MTUS1: variants seen among roughly 807,000 people sequenced by gnomAD.
The protein encoded by MTUS1 is microtubule-associated tumor suppressor 1.
MTUS1 carries 109 observed loss-of-function variants against 120.8 expected under a neutral mutation model. That is an observed-to-expected ratio of 0.90 (90% CI 0.77 to 1.06). The LOEUF (loss-of-function observed/expected upper bound fraction) is 1.06, where lower values mean the gene tolerates loss of function less well. Among genes scored for constraint, MTUS1 ranks in the 50% least tolerant of loss-of-function variants. The probability of loss-of-function intolerance (pLI) is 0.00; values close to 1 mark genes in which losing one functional copy is unlikely to be tolerated. For missense variants in MTUS1, 2,210 were observed against 1,486.3 expected (o/e 1.49, Z -8.01); for synonymous variants, 737 against 550.5 (o/e 1.34, Z -4.74).
Position 17,674,908 on chromosome 8 carries a change from C to T in MTUS1, c.2905+278G>A, listed in dbSNP as rs577665729. 77 of 1,228,160 alleles carry T rather than the reference C, an allele frequency of 6.3e-5. 1 individual carries two copies. In the African/African-American group the frequency reaches 1.1e-3, roughly 18 times the overall value. 76.1% of individuals were successfully genotyped at this position (1,228,160 alleles called of 1,614,324 possible). A position where few individuals can be genotyped will look rare whatever the true frequency, so the allele number is the denominator to read the frequency against. ...TATTTAACAGGAATTCACACAATTA[C>T]AAAAATAACTCTGTCCCTCTCTTCA... is the stretch of plus-strand genomic sequence containing the variant. On this transcript the variant is annotated intron_variant, in intron 8 of 14. Transcript: ENST00000693296.
chr8:17,671,674 T>G (rs538890173), intron 8 of MTUS1, among the ~76,000 whole-genome samples: 3 of 152,374 alleles, frequency 2.0e-5, no homozygotes, highest in African/African-American at 7.2e-5. Flanking sequence ...TACCTGGGTT[T>G]CAGTGCTCCT....
At chr8:17,683,338 C>G (rs1030306075) in intron 7 of MTUS1, among the ~76,000 whole-genome samples, 1 of 152,122 alleles carries the variant, frequency 6.6e-6, no homozygotes, top group African/African-American at 2.4e-5. Context: ...CAGACCAAGT[C>G]TCATCCACTT....
At chr8:17,789,712 G>C (rs1030536293) in intron 1 of MTUS1, among the ~76,000 whole-genome samples, 3 of 152,164 alleles carry the variant, frequency 2.0e-5, no homozygotes, top group Admixed American at 6.5e-5. Flanking sequence ...CTTTCTGCTA[G>C]CAAGAGTTCT....
chr8:17,757,595 C>T (rs1031811670), intron 1 of MTUS1, among the ~76,000 whole-genome samples: 4 of 152,132 alleles, frequency 2.6e-5, no homozygotes, highest in South Asian at 4.1e-4. Context: ...GATGCAATCT[C>T]GGCTCACTGC....
At chr8:17,660,500 G>T (rs903010046) in intron 8 of MTUS1, among the ~76,000 whole-genome samples, 1 of 152,130 alleles carries the variant, frequency 6.6e-6, no homozygotes, top group African/African-American at 2.4e-5. Flanking sequence ...AACACCGGGG[G>T]ACAAATACAT....
At chr8:17,649,409 G>C (rs888433541) in intron 13 of MTUS1, among the ~76,000 whole-genome samples, 8 of 152,132 alleles carry the variant, frequency 5.3e-5, no homozygotes, top group African/African-American at 1.9e-4. Flanking sequence ...GAAGAATTTT[G>C]ATAAATAGTA....
chr8:17,729,061 G>A lies in MTUS1; in HGVS notation c.2288-5228C>T, dbSNP rs1412887269. Among the ~76,000 whole-genome samples the A allele has an allele frequency of 3.9e-5, 6 of 152,154 alleles. No homozygotes were observed. In the East Asian group the frequency reaches 7.7e-4, roughly 20 times the overall value. ...AAACTAACAGACACAGTTAAAATAC[G>A]AGACATGAGAATATGTATTTTTTTT... On this transcript the variant is annotated intron_variant, in intron 3 of 14. Coordinates refer to ENST00000693296, the MANE Select transcript of MTUS1 (RefSeq NM_001363059.2).
At chr8:17,674,516 T>A in intron 8 of MTUS1, 1 of 984,754 alleles carries the variant, frequency 1.0e-6, no homozygotes, top group South Asian at 4.7e-5. Context: ...CAGGAGAGAA[T>A]GGAACTAAAA....
chr8:17,741,476 T>G (rs562047439), intron 3 of MTUS1, among the ~76,000 whole-genome samples: 25 of 152,322 alleles, frequency 1.6e-4, no homozygotes, highest in African/African-American at 5.8e-4. Flanking sequence ...TAACTCAGAC[T>G]GAAAAATCTG....
At chr8:17,690,229 CAAAAG>C (rs1204953293) in intron 6 of MTUS1, among the ~76,000 whole-genome samples, 2 of 152,040 alleles carry the variant, frequency 1.3e-5, no homozygotes, top group Non-Finnish European at 2.9e-5. Context: ...AGATGTTTCT[CAAAAG>C]AAGACACAGA....
At position 17,754,297 on chromosome 8, in the gene MTUS1, CT is replaced by C; in HGVS notation, c.1510del (p.Arg504AspfsTer42). The C allele has an allele frequency of 6.2e-7, 1 of 1,613,830 alleles. No homozygotes were observed. ...VRKTEIISYP[R>X]PNFKNVKAKV... ...TGCTTTGACATTCTTGAAGTTTGGT[CT>C]TGGGTAACTTATAATTTCAGTTTTT... is the stretch of plus-strand genomic sequence containing the variant. On this transcript the variant is annotated frameshift_variant, in exon 2 of 15. Transcript: ENST00000693296. LOFTEE classifies it high-confidence loss of function.
At chr8:17,668,326 C>T (rs1045441227) in intron 8 of MTUS1, among the ~76,000 whole-genome samples, 2 of 152,124 alleles carry the variant, frequency 1.3e-5, no homozygotes, top group African/African-American at 4.8e-5. Context: ...AGATTGGACA[C>T]CCCTGATTTA....
At chr8:17,744,689 CTT>C (rs58283163) in intron 2 of MTUS1, among the ~76,000 whole-genome samples, 23 of 99,020 alleles carry the variant, frequency 2.3e-4, no homozygotes, top group Admixed American at 3.4e-4. Flanking sequence ...ACCATGTTTT[CTT>C]TTTTTTTTTT....
chr8:17,791,240 G>A (rs2051757169), intron 1 of MTUS1, among the ~76,000 whole-genome samples: 1 of 152,164 alleles, frequency 6.6e-6, no homozygotes, highest in Admixed American at 6.5e-5. Context: ...CCCAACCGCA[G>A]GGCTGATGTG....
intron 3 of MTUS1, among the ~76,000 whole-genome samples, chr8:17,731,001 T>G (rs2131173855): frequency 7.0e-6 from 1 of 142,638 alleles, no homozygotes; most frequent in African/African-American, 2.6e-5. Context: ...ACAATTTAAG[T>G]TAAAAACAAG....
At chr8:17,735,831 G>C (rs1294968181) in intron 3 of MTUS1, among the ~76,000 whole-genome samples, 1 of 152,228 alleles carries the variant, frequency 6.6e-6, no homozygotes, top group East Asian at 1.9e-4. Flanking sequence ...ACTAAGAGCT[G>C]AACTCTATCC....
At chr8:17,796,102 A>G (rs530174447) in intron 1 of MTUS1, among the ~76,000 whole-genome samples, 1 of 151,802 alleles carries the variant, frequency 6.6e-6, no homozygotes, top group South Asian at 2.1e-4. Flanking sequence ...GGCGCCCACC[A>G]CCACACCCAG....
intron 1 of MTUS1, among the ~76,000 whole-genome samples, chr8:17,786,145 AAAAC>A (rs1347360872): frequency 2.0e-5 from 3 of 152,204 alleles, no homozygotes; most frequent in Non-Finnish European, 4.4e-5. Context: ...ATCTCTGGAA[AAAAC>A]AAACAAAAAA....
rs2048449017 is a variant in MTUS1, at chr8:17,754,557, A to G, written c.1251T>C (p.Asp417=). The change falls in exon 2 of 15, where the codon GAT becomes GAC. Residue 417 remains aspartate (D), a synonymous_variant. Coordinates refer to ENST00000693296, the MANE Select transcript of MTUS1 (RefSeq NM_001363059.2). The part of the protein sequence containing the change: ...SSFGLTWDAN[D]MVISTDKTMC... ...TCGTTTTGTCTGTGCTAATGACCAT[A>G]TCATTTGCATCCCAAGTCAGTCCAA... The G allele has an allele frequency of 6.2e-7, 1 of 1,614,148 alleles. No homozygotes were observed. The highest frequency in any genetic ancestry group is 2.2e-5 in the East Asian group (1 of 44,880).
Sources: allele counts gnomAD v4.1 joint callset (sites outside exome capture counted in the v4.1 genomes callset), GRCh38; gene constraint gnomAD v4.1.1; transcripts MANE v1.5; gene names NCBI Gene and HGNC (gene_info 2026-07-23, HGNC 2026-07-21).